Variants in FGF18 observed in about 807,000 individuals in gnomAD.
The protein encoded by FGF18 is fibroblast growth factor 18.
Under a neutral mutation model 23.0 loss-of-function variants are expected in FGF18, and 5 were observed. The ratio of observed to expected loss-of-function variants is 0.22; its 90% CI spans 0.11 to 0.46. The LOEUF (loss-of-function observed/expected upper bound fraction) is 0.46, where lower values mean the gene tolerates loss of function less well. FGF18 is among the 20% of genes least tolerant of loss of function. The probability of loss-of-function intolerance (pLI) is 0.99; values close to 1 mark genes in which losing one functional copy is unlikely to be tolerated. For synonymous variants in FGF18, 117 were observed against 118.9 expected (o/e 0.98, Z 0.10); for missense variants, 180 against 291.6 (o/e 0.62, Z 2.79).
chr5:171,420,043 C>T lies in FGF18; in HGVS notation c.-157C>T. 2.2e-6 allele frequency: 1 copy of T among 451,364 alleles called. No homozygotes were observed. Among genetic ancestry groups the T allele is most frequent in the Non-Finnish European group, 3.4e-6 (1 of 296,792 alleles). 28.0% of individuals were successfully genotyped at this position (451,364 alleles called of 1,614,324 possible). ...GCCGCAGGGCGCGCCGCGGAGCGCC[C>T]CGGAGCAGCAGAGTCTGCAGCAGCA... is the stretch of plus-strand genomic sequence containing the variant. On this transcript the variant is annotated 5_prime_UTR_variant, in exon 1 of 5. Transcript: ENST00000274625.
chr5:171,427,466 T>C (rs1006174190), intron 2 of FGF18, among the ~76,000 whole-genome samples: 5 of 152,126 alleles, frequency 3.3e-5, no homozygotes, highest in African/African-American at 1.2e-4. Context: ...GCTTTGGACT[T>C]AGGTCTGGAT....
chr5:171,453,278 C>G (rs1408885069), intron 4 of FGF18, among the ~76,000 whole-genome samples: 1 of 152,196 alleles, frequency 6.6e-6, no homozygotes, highest in Non-Finnish European at 1.5e-5. Flanking sequence ...CCTGAGGTCA[C>G]GCAGGGGAAC....
At chr5:171,452,040 G>A (rs1772522425) in intron 4 of FGF18, among the ~76,000 whole-genome samples, 1 of 152,224 alleles carries the variant, frequency 6.6e-6, no homozygotes. Context: ...TGTGTACCTG[G>A]CCAAAGGGCT....
At position 171,451,916 on chromosome 5, in the gene FGF18, G is replaced by A. The variant is rs1772517007; in HGVS notation, c.357+2663G>A. 6.6e-6 allele frequency among the ~76,000 whole-genome samples: 1 copy of A among 152,082 alleles called. No homozygotes were observed. The highest frequency in any genetic ancestry group is 6.5e-5 in the Admixed American group (1 of 15,272). On this transcript the variant is annotated intron_variant, in intron 4 of 4. Coordinates refer to ENST00000274625, the MANE Select transcript of FGF18 (RefSeq NM_003862.3). This position sits in a 1 kb window ranked among gnomAD's most constrained non-coding sequence, Gnocchi z 4.5. The stretch of plus-strand genomic sequence containing the variant: ...CCGGAGCCCCACAGTCCCTCGCACA[G>A]CCCTCTGTTGCCTGTCTGCTAACCT...
chr5:171,422,088 C>A (rs890360803), intron 2 of FGF18, among the ~76,000 whole-genome samples: 6 of 151,896 alleles, frequency 4.0e-5, no homozygotes, highest in African/African-American at 1.5e-4. Context: ...GGGAGGCCTG[C>A]GGATGTGTGG....
In FGF18 at chr5:171,419,880, C is replaced by CACGGACGG. The variant is rs1771972695; in HGVS notation, c.-320_-319insACGGACGG. On this transcript the variant is annotated 5_prime_UTR_variant, in exon 1 of 5. Transcript: ENST00000274625. ...CCGGGCAGCCAGCCTCCCACGGACGCCCGGACGGCCGGCCGGCCAGCAGTG... is the reference window on the plus strand; with the variant it reads ...CCGGGCAGCCAGCCTCCCACGGACGCACGGACGGCCGGACGGCCGGCCGGCCAGCAGTG... 2 of 154,880 alleles carry CACGGACGG rather than the reference C, an allele frequency of 1.3e-5. No homozygotes were observed. Among genetic ancestry groups the CACGGACGG allele is most frequent in the Admixed American group, 1.3e-4 (2 of 15,320 alleles). The allele number at this position is 154,880 out of a possible 1,614,324, so 9.6% of individuals were successfully genotyped here. A position where few individuals can be genotyped will look rare whatever the true frequency, so the allele number is the denominator to read the frequency against.
Position 171,456,941 on chromosome 5 carries a change from C to A in FGF18, c.*136C>A. On this transcript the variant is annotated 3_prime_UTR_variant, in exon 5 of 5. Coordinates refer to ENST00000274625, the MANE Select transcript of FGF18 (RefSeq NM_003862.3). The surrounding 1 kb of genome is among the most constrained non-coding windows in gnomAD (Gnocchi z 6.1). ...CATTGTGTTTAAAAGAAGACAAAAA[C>A]TGAACCAAAACTCTTGGGGGGAGGG... 8.6e-7 allele frequency: 1 copy of A among 1,161,620 alleles called. No individual in the cohort carries two copies. The allele number at this position is 1,161,620 out of a possible 1,614,324, so 72.0% of individuals were successfully genotyped here. A position where few individuals can be genotyped will look rare whatever the true frequency, so the allele number is the denominator to read the frequency against.
intron 4 of FGF18, among the ~76,000 whole-genome samples, chr5:171,454,964 T>C (rs949508804): frequency 2.6e-5 from 4 of 152,260 alleles, no homozygotes; most frequent in Non-Finnish European, 5.9e-5. Flanking sequence ...ACGCCAGCCC[T>C]GTCGGGAACA....
chr5:171,441,123 G>T (rs1772336784), intron 3 of FGF18, among the ~76,000 whole-genome samples: 1 of 152,222 alleles, frequency 6.6e-6, no homozygotes, highest in South Asian at 2.1e-4. Context: ...TGAGTTGGTG[G>T]TGGAGCTGGG....
At chr5:171,450,718 T>TCGGGGCCGGGGC (rs928528790) in intron 4 of FGF18, among the ~76,000 whole-genome samples, 1 of 151,454 alleles carries the variant, frequency 6.6e-6, no homozygotes, top group Non-Finnish European at 1.5e-5. Context: ...GCGAGGGGGG[T>TCGGGGCCGGGGC]CGGGGCCGGG....
intron 4 of FGF18, among the ~76,000 whole-genome samples, chr5:171,452,400 G>T (rs1772529946): frequency 6.6e-6 from 1 of 152,166 alleles, no homozygotes; most frequent in African/African-American, 2.4e-5. Flanking sequence ...CCACAGCAAG[G>T]GTACCTGCAT....
chr5:171,446,734 C>A (rs202005554), intron 3 of FGF18, among the ~76,000 whole-genome samples: 2 of 152,162 alleles, frequency 1.3e-5, no homozygotes, highest in Non-Finnish European at 2.9e-5. Context: ...AGCCCCTCCC[C>A]CTTGCACAGG....
At chr5:171,423,567 C>T (rs2113326698) in intron 2 of FGF18, among the ~76,000 whole-genome samples, 1 of 152,256 alleles carries the variant, frequency 6.6e-6, no homozygotes, top group Non-Finnish European at 1.5e-5. Flanking sequence ...GCCCCTTGTC[C>T]CTCCTGCAGC....
rs1772246902 is a variant in FGF18 at position 171,436,407 on chromosome 5, G to A, written c.250+134G>A. The A allele has an allele frequency of 1.6e-6, 1 of 625,674 alleles. No individual in the cohort carries two copies. The highest frequency in any genetic ancestry group is 2.5e-6 in the Non-Finnish European group (1 of 401,804). 38.8% of individuals were successfully genotyped at this position (625,674 alleles called of 1,614,324 possible). A position where few individuals can be genotyped will look rare whatever the true frequency, so the allele number is the denominator to read the frequency against. On this transcript the variant is annotated intron_variant, in intron 3 of 4. Coordinates refer to ENST00000274625, the MANE Select transcript of FGF18 (RefSeq NM_003862.3). The surrounding 1 kb of genome is among the most constrained non-coding windows in gnomAD (Gnocchi z 4.4). ...TTGGACCTGGCACTGACCCTTTCTGGGTCTGTTTCCTGATCTATAAAATGG... is the reference window on the plus strand; with the variant it reads ...TTGGACCTGGCACTGACCCTTTCTGAGTCTGTTTCCTGATCTATAAAATGG...
chr5:171,425,297 G>A (rs960309239), intron 2 of FGF18, among the ~76,000 whole-genome samples: 7 of 152,178 alleles, frequency 4.6e-5, no homozygotes, highest in Non-Finnish European at 7.3e-5. Context: ...AGGCTGGAGT[G>A]CAATGGTGCG....
chr5:171,435,288 C>T (rs1772230456), intron 2 of FGF18, among the ~76,000 whole-genome samples: 1 of 151,956 alleles, frequency 6.6e-6, no homozygotes, highest in Non-Finnish European at 1.5e-5. Flanking sequence ...AGAGAGACTA[C>T]CAGGGGGCGA....
chr5:171,456,463 A>G lies in FGF18; in HGVS notation c.358-76A>G. 2.0e-6 allele frequency: 3 copies of G among 1,484,422 alleles called. No homozygotes were observed. The highest frequency in any genetic ancestry group is 2.6e-5 in the South Asian group (2 of 78,040). 92.0% of individuals were successfully genotyped at this position (1,484,422 alleles called of 1,614,324 possible). A position where few individuals can be genotyped will look rare whatever the true frequency, so the allele number is the denominator to read the frequency against. Reference sequence around the variant, plus strand: ...ACAACAATCGCAATGGTCCTGAATAAAACCTTCCTCGCTGTGCTTTGGCAA... The same window carrying G: ...ACAACAATCGCAATGGTCCTGAATAGAACCTTCCTCGCTGTGCTTTGGCAA... On this transcript the variant is annotated intron_variant, in intron 4 of 4. Coordinates refer to ENST00000274625, the MANE Select transcript of FGF18 (RefSeq NM_003862.3). The surrounding 1 kb of genome is among the most constrained non-coding windows in gnomAD (Gnocchi z 6.1).
chr5:171,421,549 A>G (rs1345028646), intron 2 of FGF18, among the ~76,000 whole-genome samples: 1 of 151,846 alleles, frequency 6.6e-6, no homozygotes, highest in African/African-American at 2.4e-5. Context: ...GCTAGCCTTG[A>G]GCACAGGAAA....
chr5:171,448,789 C>T (rs576148448), intron 3 of FGF18, among the ~76,000 whole-genome samples: 1 of 151,998 alleles, frequency 6.6e-6, no homozygotes, highest in African/African-American at 2.4e-5. Context: ...AGTTGAGGGG[C>T]TAGGGAAGGT....
Sources: gnomAD v4.1 joint callset for allele counts (sites outside exome capture counted in the v4.1 genomes callset) on GRCh38, gnomAD v4.1.1 for gene constraint, Gnocchi (gnomAD v3.1) non-coding constraint, MANE v1.5 for transcripts, NCBI Gene and HGNC (gene_info 2026-07-23, HGNC 2026-07-21) for gene names.